Variants in DERA observed in about 807,000 individuals in gnomAD.
DERA encodes the protein 2-deoxy-D-ribose 5-phosphate aldolase.
In DERA, 15 loss-of-function variants were observed where a neutral mutation model predicts 41.1. The observed-to-expected ratio is 0.37, with a 90% CI of 0.24 to 0.56. The LOEUF is 0.56. Ranked by LOEUF, DERA falls within the 20% of genes least tolerant of loss-of-function variation. The pLI is 0.81. For synonymous variants in DERA, 139 were observed against 137.4 expected (o/e 1.01, Z -0.08); for missense variants, 396 against 403.4 (o/e 0.98, Z 0.16).
intron 6 of DERA, among the ~76,000 whole-genome samples, chr12:16,006,905 G>A (rs781582944): frequency 6.6e-6 from 1 of 152,192 alleles, no homozygotes; most frequent in African/African-American, 2.4e-5. Flanking sequence ...TGTCTTCTCC[G>A]TGTGTACTTC....
In DERA at chr12:15,949,021, C is replaced by T. The variant is rs935608813; in HGVS notation, c.32-7915C>T. On this transcript the variant is annotated intron_variant, in intron 1 of 8. Coordinates refer to ENST00000428559, the MANE Select transcript of DERA (RefSeq NM_015954.4). ...AGAGGCTGCAGAACGGCGAATATTGCTGAACAGCAAATGTTGCTGTCTGAT... is the reference window on the plus strand; with the variant it reads ...AGAGGCTGCAGAACGGCGAATATTGTTGAACAGCAAATGTTGCTGTCTGAT... Among the ~76,000 whole-genome samples, 62 of 152,324 alleles carry T rather than the reference C, an allele frequency of 4.1e-4. 1 individual carries two copies. The highest frequency in any genetic ancestry group is 1.4e-3 in the African/African-American group (58 of 41,572).
intron 1 of DERA, among the ~76,000 whole-genome samples, chr12:15,926,742 G>GGA (rs1948288695): frequency 8.3e-6 from 1 of 120,484 alleles, no homozygotes. Context: ...GTCTCAAAAA[G>GGA]AAAAAAAAAA....
In DERA at chr12:15,976,855, C is replaced by G. The variant is rs1418861831; in HGVS notation, c.509-5453C>G. ...TCAGTAACTTTCCCAAGTAACACCA[C>G]TAATCAGCGGCCAAGCAAGGGCTGA... On this transcript the variant is annotated intron_variant, in intron 5 of 8. Coordinates refer to ENST00000428559, the MANE Select transcript of DERA (RefSeq NM_015954.4). The surrounding 1 kb of genome is among the most constrained non-coding windows in gnomAD (Gnocchi z 4.1). Among the ~76,000 whole-genome samples the G allele has an allele frequency of 2.0e-5, 3 of 152,178 alleles. No individual in the cohort carries two copies.
chr12:15,981,086 C>T lies in DERA; in HGVS notation c.509-1222C>T, dbSNP rs7956651. On this transcript the variant is annotated intron_variant, in intron 5 of 8. Coordinates refer to ENST00000428559, the MANE Select transcript of DERA (RefSeq NM_015954.4). This position sits in a 1 kb window ranked among gnomAD's most constrained non-coding sequence, Gnocchi z 6.1. ...CCTATGGGCCGGGCACCGTGGCTCACACCTGTAATCCCAGCACTTTGGGAC... is the reference window on the plus strand; with the variant it reads ...CCTATGGGCCGGGCACCGTGGCTCATACCTGTAATCCCAGCACTTTGGGAC... Among the ~76,000 whole-genome samples, 2,756 of 152,264 alleles carry T rather than the reference C, an allele frequency of 0.018. 90 individuals carry two copies. The highest frequency in any genetic ancestry group is 0.063 in the African/African-American group (2,632 of 41,538).
chr12:15,919,016 C>T (rs745550275), intron 1 of DERA, among the ~76,000 whole-genome samples: 16 of 152,266 alleles, frequency 1.1e-4, no homozygotes, highest in Admixed American at 7.2e-4. Flanking sequence ...GTGTGAAATA[C>T]ATACACAGAG....
In DERA at chr12:15,982,580, A is replaced by T; in HGVS notation, c.637+144A>T. The T allele has an allele frequency of 2.3e-6, 2 of 886,738 alleles. No individual in the cohort carries two copies. Among genetic ancestry groups the T allele is most frequent in the Non-Finnish European group, 3.4e-6 (2 of 590,796 alleles). The allele number at this position is 886,738 out of a possible 1,614,324, so 54.9% of individuals were successfully genotyped here. A position where few individuals can be genotyped will look rare whatever the true frequency, so the allele number is the denominator to read the frequency against. ...GAGGAATCGGATATTTTGTAAAAAC[A>T]TGTTCAATGTGAAGTGGTCAAAAAC... On this transcript the variant is annotated intron_variant, in intron 6 of 8. Transcript: ENST00000428559. The surrounding 1 kb of genome is among the most constrained non-coding windows in gnomAD (Gnocchi z 4.0).
In DERA at chr12:15,985,571, T is replaced by C. The variant is rs1241110436; in HGVS notation, c.637+3135T>C. 1.0e-5 allele frequency among the ~76,000 whole-genome samples: 1 copy of C among 100,184 alleles called. No homozygotes were observed. Among genetic ancestry groups the C allele is most frequent in the African/African-American group, 3.0e-5 (1 of 33,166 alleles). The allele number at this position is 100,184 out of a possible 152,430, so 65.7% of individuals were successfully genotyped here. A position where few individuals can be genotyped will look rare whatever the true frequency, so the allele number is the denominator to read the frequency against. On this transcript the variant is annotated intron_variant, in intron 6 of 8. Transcript: ENST00000428559. The surrounding 1 kb of genome is among the most constrained non-coding windows in gnomAD (Gnocchi z 4.2). ...AGCCAAGTTTTTATTTTGTTGTTTT[T>C]TTTTCATTACTTTTCAGTGAAAGTT...
intron 6 of DERA, among the ~76,000 whole-genome samples, chr12:16,024,771 T>C (rs1337168277): frequency 6.6e-6 from 1 of 152,106 alleles, no homozygotes; most frequent in African/African-American, 2.4e-5. Context: ...TTGATCTGCA[T>C]TTAAAAAGGA....
chr12:15,973,505 C>T (rs1948677806), intron 5 of DERA, among the ~76,000 whole-genome samples: 1 of 152,036 alleles, frequency 6.6e-6, no homozygotes, highest in South Asian at 2.1e-4. Context: ...TAACAACAGA[C>T]ATATATTACA....
At position 15,940,998 on chromosome 12, in the gene DERA, AT is replaced by A. The variant is rs1225114521; in HGVS notation, c.32-15932del. On this transcript the variant is annotated intron_variant, in intron 1 of 8. Coordinates refer to ENST00000428559, the MANE Select transcript of DERA (RefSeq NM_015954.4). This position sits in a 1 kb window ranked among gnomAD's most constrained non-coding sequence, Gnocchi z 5.1. ...CTGAGAAATGGGAATTGAGAGTAAA[AT>A]TTTTTATTAAACATACTTTTTGTGA... 6.6e-6 allele frequency among the ~76,000 whole-genome samples: 1 copy of A among 152,152 alleles called. No homozygotes were observed. Among genetic ancestry groups the A allele is most frequent in the Non-Finnish European group, 1.5e-5 (1 of 68,028 alleles).
Position 15,959,757 on chromosome 12 carries a change from A to T in DERA, c.278-72A>T. ...TGATTTTTGCCAGTGTTGCGATATA[A>T]ATAATAATTAAAAGCATGTTGTATG... On this transcript the variant is annotated intron_variant, in intron 3 of 8. Coordinates refer to ENST00000428559, the MANE Select transcript of DERA (RefSeq NM_015954.4). This position sits in a 1 kb window ranked among gnomAD's most constrained non-coding sequence, Gnocchi z 4.5. The T allele has an allele frequency of 9.6e-7, 1 of 1,040,952 alleles. No individual in the cohort carries two copies. The highest frequency in any genetic ancestry group is 1.4e-6 in the Non-Finnish European group (1 of 708,764). 64.5% of individuals were successfully genotyped at this position (1,040,952 alleles called of 1,614,324 possible). A position where few individuals can be genotyped will look rare whatever the true frequency, so the allele number is the denominator to read the frequency against.
At chr12:15,956,181 G>A (rs1297264871) in intron 1 of DERA, among the ~76,000 whole-genome samples, 1 of 152,192 alleles carries the variant, frequency 6.6e-6, no homozygotes, top group African/African-American at 2.4e-5. Flanking sequence ...CTATCCAAAT[G>A]TTAGCTCTGT....
rs1245356596 is a variant in DERA at position 15,990,087 on chromosome 12, G to A, written c.637+7651G>A. Reference sequence around the variant, plus strand: ...CTTTGCAAGTTATTGAAAAATATTAGTATACCTTCCTTCTCCATCCTACGT... The same window carrying A: ...CTTTGCAAGTTATTGAAAAATATTAATATACCTTCCTTCTCCATCCTACGT... On this transcript the variant is annotated intron_variant, in intron 6 of 8. Transcript: ENST00000428559. This position sits in a 1 kb window ranked among gnomAD's most constrained non-coding sequence, Gnocchi z 4.3. Among the ~76,000 whole-genome samples, 2 of 152,136 alleles carry A rather than the reference G, an allele frequency of 1.3e-5. No homozygotes were observed. Among genetic ancestry groups the A allele is most frequent in the African/African-American group, 2.4e-5 (1 of 41,410 alleles).
rs1327614317 is a variant in DERA at position 16,003,241 on chromosome 12, C to T, written c.637+20805C>T. On this transcript the variant is annotated intron_variant, in intron 6 of 8. Coordinates refer to ENST00000428559, the MANE Select transcript of DERA (RefSeq NM_015954.4). This position sits in a 1 kb window ranked among gnomAD's most constrained non-coding sequence, Gnocchi z 4.8. ...TGTTCTTCATGTTGTATGTCTGTCT[C>T]TTCACCTGGTGTTCTTTTTATAAGG... Among the ~76,000 whole-genome samples the T allele has an allele frequency of 6.6e-6, 1 of 152,202 alleles. No individual in the cohort carries two copies. Among genetic ancestry groups the T allele is most frequent in the Non-Finnish European group, 1.5e-5 (1 of 68,046 alleles).
chr12:15,973,035 C>T (rs918476325), intron 5 of DERA, among the ~76,000 whole-genome samples: 1 of 152,026 alleles, frequency 6.6e-6, no homozygotes, highest in Non-Finnish European at 1.5e-5. Flanking sequence ...GCCGAGTGCT[C>T]TGATTCCTGT....
In DERA at chr12:16,000,695, G is replaced by A. The variant is rs1285546040; in HGVS notation, c.637+18259G>A. On this transcript the variant is annotated intron_variant, in intron 6 of 8. Transcript: ENST00000428559. The surrounding 1 kb of genome is among the most constrained non-coding windows in gnomAD (Gnocchi z 4.8). ...TCCATGTCACACAAAGCCAGCAAAG[G>A]CTGTTTGTAGAACGTTAGCTGCTAT... is the stretch of plus-strand genomic sequence containing the variant. Among the ~76,000 whole-genome samples the A allele has an allele frequency of 6.6e-6, 1 of 152,168 alleles. No individual in the cohort carries two copies. The highest frequency in any genetic ancestry group is 1.5e-5 in the Non-Finnish European group (1 of 68,020).
rs1949129717 is a variant in DERA at position 16,036,453 on chromosome 12, G to A, written c.900+72G>A. The A allele has an allele frequency of 2.7e-6, 4 of 1,487,306 alleles. No homozygotes were observed. Among genetic ancestry groups the A allele is most frequent in the South Asian group, 2.7e-5 (2 of 75,382 alleles). 92.1% of individuals were successfully genotyped at this position (1,487,306 alleles called of 1,614,324 possible). On this transcript the variant is annotated intron_variant, in intron 8 of 8. Transcript: ENST00000428559. This position sits in a 1 kb window ranked among gnomAD's most constrained non-coding sequence, Gnocchi z 4.9. ...GAGAAAGGAATTGAAAAGTCAAATT[G>A]AGAACTGGAGATAAAAACTCATCTG...
At chr12:15,956,489 A>G (rs1010564879) in intron 1 of DERA, 7 of 329,696 alleles carry the variant, frequency 2.1e-5, no homozygotes, top group Admixed American at 8.7e-5. Flanking sequence ...GTAAGCGGGT[A>G]GTGAGCACAG....
intron 1 of DERA, among the ~76,000 whole-genome samples, chr12:15,929,867 A>G (rs1948314983): frequency 6.6e-6 from 1 of 152,222 alleles, no homozygotes; most frequent in Non-Finnish European, 1.5e-5. Flanking sequence ...GCCCATCCTG[A>G]TTAAAATTTT....
Sources: allele counts gnomAD v4.1 joint callset (sites outside exome capture counted in the v4.1 genomes callset), GRCh38; gene constraint gnomAD v4.1.1; non-coding constraint Gnocchi (gnomAD v3.1); transcripts MANE v1.5; gene names NCBI Gene and HGNC (gene_info 2026-07-23, HGNC 2026-07-21).